Variants in ZC3H13 observed in about 807,000 individuals in gnomAD.
ZC3H13 encodes zinc finger CCCH domain-containing protein 13.
A neutral mutation model predicts 204.1 loss-of-function variants in ZC3H13; 64 were observed. The ratio of observed to expected loss-of-function variants is 0.31; its 90% CI spans 0.26 to 0.39. The LOEUF (loss-of-function observed/expected upper bound fraction) is 0.39, where lower values mean the gene tolerates loss of function less well. ZC3H13 is among the 10% of genes least tolerant of loss of function. ZC3H13 has a pLI of 1.00. For missense variants in ZC3H13, 1,833 were observed against 2,082.7 expected, an observed-to-expected ratio of 0.88 and a Z score of 2.33; for synonymous variants, 667 against 693.7, an observed-to-expected ratio of 0.96 and a Z score of 0.60.
chr13:46,052,629 C>T lies in ZC3H13; in HGVS notation c.-235G>A, dbSNP rs1235134862. 10 of 398,560 alleles carry T rather than the reference C, an allele frequency of 2.5e-5. No individual in the cohort carries two copies. In the Admixed American group the frequency reaches 3.5e-4, roughly 14 times the overall value. 24.7% of individuals were successfully genotyped at this position (398,560 alleles called of 1,614,324 possible). A position where few individuals can be genotyped will look rare whatever the true frequency, so the allele number is the denominator to read the frequency against. On this transcript the variant is annotated 5_prime_UTR_variant, in exon 1 of 19. Coordinates refer to ENST00000679008, the MANE Select transcript of ZC3H13 (RefSeq NM_001330564.2). ...CGCCCGCCGCCTCTCCAGGGTCAAG[C>T]GAAACTGGGTCGCAGGAAGAAAAAT... is the stretch of plus-strand genomic sequence containing the variant.
Position 46,010,437 on chromosome 13 carries a change from C to A in ZC3H13, c.657G>T (p.Pro219=). The part of the protein sequence containing the change: ...SPSLRKSSKS[P]KRKSSPKSSS... ...ACGACTTCGGGCTTGATTTTCGCTT[C>A]GGAGATTTGCTAGACTTTCTTAGAG... Residue 219 remains proline, a synonymous_variant, in exon 7 of 19, where the codon CCG becomes CCT. Transcript: ENST00000679008. The A allele has an allele frequency of 6.2e-7, 1 of 1,613,704 alleles. No homozygotes were observed. Among genetic ancestry groups the A allele is most frequent in the Non-Finnish European group, 8.5e-7 (1 of 1,179,762 alleles).
In ZC3H13 at chr13:45,985,749, T is replaced by C. The variant is rs377675089; in HGVS notation, c.1268A>G (p.Lys423Arg). The C allele has an allele frequency of 1.2e-6, 2 of 1,606,964 alleles. No homozygotes were observed. Among genetic ancestry groups the C allele is most frequent in the African/African-American group, 2.7e-5 (2 of 74,154 alleles). Reference sequence around the variant, plus strand: ...TCTTGAGTCCTTTTCTCTGTCTCGTTTGCCCCTAGTATCTGTAATGCAATT... The same window carrying C: ...TCTTGAGTCCTTTTCTCTGTCTCGTCTGCCCCTAGTATCTGTAATGCAATT... ...RHERREDTRG[K>R]RDREKDSREE... Residue 423 changes from lysine (K) to arginine (R), a missense_variant, in exon 10 of 19, where the codon AAA becomes AGA. Around this residue, in one of 5 missense-constraint regions of ZC3H13, gnomAD observed 1,574 missense variants for 1,757.2 expected, o/e 0.90. Transcript: ENST00000679008.
rs771244095 is a variant in ZC3H13, at chr13:45,975,709, C to T, written c.2042G>A (p.Arg681Gln). 11 of 1,613,684 alleles carry T rather than the reference C, an allele frequency of 6.8e-6. No individual in the cohort carries two copies. Among genetic ancestry groups the T allele is most frequent in the East Asian group, 2.2e-5 (1 of 44,842 alleles). ...RRDERARERD[R>Q]ERERDRERER... The stretch of plus-strand genomic sequence containing the variant: ...CCGCTCCCTGTCTCGTTCTCGTTCC[C>T]GATCTCTCTCTCTAGCCCTTTCATC... The change falls in exon 12 of 19, where the codon CGG (arginine) becomes CAG (glutamine). Residue 681 changes from arginine to glutamine, a missense_variant. Transcript: ENST00000679008.
intron 4 of ZC3H13, among the ~76,000 whole-genome samples, chr13:46,027,440 C>T (rs887821454): frequency 5.9e-5 from 9 of 152,262 alleles, no homozygotes; most frequent in African/African-American, 1.7e-4. Flanking sequence ...TTACATAACT[C>T]TATGCAAACA....
intron 7 of ZC3H13, among the ~76,000 whole-genome samples, chr13:46,009,862 AT>A (rs2041421500): frequency 1.3e-5 from 2 of 152,126 alleles, no homozygotes; most frequent in Non-Finnish European, 2.9e-5. Context: ...AACAACATAA[AT>A]GTTCCACAGA....
At chr13:45,972,199 A>G (rs576413528) in intron 12 of ZC3H13, among the ~76,000 whole-genome samples, 4 of 152,260 alleles carry the variant, frequency 2.6e-5, no homozygotes, top group South Asian at 4.1e-4. Context: ...ACATGCACAT[A>G]TATGTTTATA....
At chr13:46,042,679 T>C (rs1014735786) in intron 3 of ZC3H13, among the ~76,000 whole-genome samples, 3 of 152,034 alleles carry the variant, frequency 2.0e-5, no homozygotes, top group African/African-American at 7.2e-5. Flanking sequence ...AACTACAAAG[T>C]TGCAAAATTA....
chr13:46,026,973 C>A (rs145487636), intron 4 of ZC3H13, among the ~76,000 whole-genome samples: 1 of 152,106 alleles, frequency 6.6e-6, no homozygotes, highest in Admixed American at 6.5e-5. Flanking sequence ...AAAGCTGATT[C>A]TCTGAAAATA....
At chr13:45,983,413 ATTTTTTTTTTTT>A (rs1555277661) in intron 10 of ZC3H13, among the ~76,000 whole-genome samples, 5 of 31,128 alleles carry the variant, frequency 1.6e-4, no homozygotes, top group Admixed American at 5.4e-4. Context: ...ATATATATAT[ATTTTTTTTTTTT>A]TTTTTTTTTT....
At chr13:45,989,864 A>G (rs1219206258) in intron 8 of ZC3H13, among the ~76,000 whole-genome samples, 2 of 152,220 alleles carry the variant, frequency 1.3e-5, no homozygotes, top group African/African-American at 4.8e-5. Context: ...TTTGTGCAAT[A>G]ACTAAGAAGC....
At position 45,984,774 on chromosome 13, in the gene ZC3H13, T is replaced by C. The variant is rs556260184; in HGVS notation, c.1720+523A>G. On this transcript the variant is annotated intron_variant, in intron 10 of 18. Transcript: ENST00000679008. ...TAAGTCTCAGCAGTTTGGAAATAGT[T>C]ACAATATATTTAAGTCATTTGGGTG... Among the ~76,000 whole-genome samples the C allele has an allele frequency of 3.3e-5, 5 of 152,264 alleles. No homozygotes were observed. The South Asian group carries it at 1.0e-3, about 32-fold the overall frequency.
intron 1 of ZC3H13, among the ~76,000 whole-genome samples, chr13:46,050,828 CTG>C (rs57004778): frequency 0.77 from 117,189 of 151,752 alleles, 45,624 homozygotes; most frequent in African/African-American, 0.86. Flanking sequence ...GTTAAAAAGA[CTG>C]TGCACAGAAA....
At chr13:46,000,108 A>C (rs2040632503) in intron 8 of ZC3H13, among the ~76,000 whole-genome samples, 1 of 152,170 alleles carries the variant, frequency 6.6e-6, no homozygotes, top group Non-Finnish European at 1.5e-5. Context: ...TACATTTAGC[A>C]TAATTCTTAA....
intron 4 of ZC3H13, among the ~76,000 whole-genome samples, chr13:46,036,796 G>C (rs2043236284): frequency 6.6e-6 from 1 of 152,072 alleles, no homozygotes; most frequent in East Asian, 1.9e-4. Flanking sequence ...TCAGCTCACT[G>C]CAACCTCCGC....
intron 7 of ZC3H13, among the ~76,000 whole-genome samples, chr13:46,009,973 G>A (rs2041430273): frequency 6.6e-6 from 1 of 152,078 alleles, no homozygotes; most frequent in African/African-American, 2.4e-5. Context: ...GCAATGTGCA[G>A]AAGGTTATGA....
In ZC3H13 at chr13:45,993,225, A is replaced by C. The variant is rs538707005; in HGVS notation, c.945-4128T>G. On this transcript the variant is annotated intron_variant, in intron 8 of 18. Coordinates refer to ENST00000679008, the MANE Select transcript of ZC3H13 (RefSeq NM_001330564.2). The stretch of plus-strand genomic sequence containing the variant: ...CTGTTAGGTCCAAAAAAACACAAAA[A>C]GTATGTGCTTTTTACTTTTGGAGTT... Among the ~76,000 whole-genome samples, 4 of 152,304 alleles carry C rather than the reference A, an allele frequency of 2.6e-5. No homozygotes were observed. The East Asian group carries it at 7.7e-4, about 29-fold the overall frequency.
chr13:45,974,562 A>G (rs1037241210), intron 12 of ZC3H13, among the ~76,000 whole-genome samples: 3 of 152,194 alleles, frequency 2.0e-5, no homozygotes, highest in Non-Finnish European at 4.4e-5. Context: ...TGCCAAGAAC[A>G]CATTTTTTGA....
chr13:46,008,518 G>A (rs2041313998), intron 7 of ZC3H13, among the ~76,000 whole-genome samples: 1 of 152,040 alleles, frequency 6.6e-6, no homozygotes, highest in African/African-American at 2.4e-5. Flanking sequence ...ATAATAGGAT[G>A]TGTTACTAAT....
intron 4 of ZC3H13, among the ~76,000 whole-genome samples, chr13:46,026,815 A>G (rs2138909858): frequency 6.6e-6 from 1 of 152,288 alleles, no homozygotes; most frequent in Non-Finnish European, 1.5e-5. Context: ...TCTGATGAGA[A>G]CTTACAGCAT....
Sources: gnomAD v4.1 joint callset for allele counts (sites outside exome capture counted in the v4.1 genomes callset) on GRCh38, gnomAD v4.1.1 for gene constraint, gnomAD v4.1.1 regional missense constraint, MANE v1.5 for transcripts, NCBI Gene and HGNC (gene_info 2026-07-23, HGNC 2026-07-21) for gene names.